DPP6: variants seen among roughly 807,000 people sequenced by gnomAD.
DPP6 encodes dipeptidyl peptidase like 6, also known as A-type potassium channel modulatory protein DPP6.
A neutral mutation model predicts 122.6 loss-of-function variants in DPP6; 69 were observed. That is an observed-to-expected ratio of 0.56 (90% CI 0.46 to 0.69). DPP6 has a LOEUF of 0.69. DPP6 is among the 30% of genes least tolerant of loss of function. The pLI, the probability that DPP6 is intolerant of heterozygous loss-of-function variation, is 0.00. For missense variants in DPP6, 928 were observed against 1,116.9 expected, an observed-to-expected ratio of 0.83 and a Z score of 2.41; for synonymous variants, 418 against 433.1, an observed-to-expected ratio of 0.97 and a Z score of 0.43.
At chr7:154,829,203 C>A (rs1401995398) in intron 16 of DPP6, among the ~76,000 whole-genome samples, 1 of 128,008 alleles carries the variant, frequency 7.8e-6, no homozygotes, top group Non-Finnish European at 1.8e-5. Context: ...GGCAACATGG[C>A]AAAACCATGT....
At chr7:153,877,909 T>TAAAC in the DPP6 span, among the ~76,000 whole-genome samples, 1 of 151,704 alleles carries the variant, frequency 6.6e-6, no homozygotes, top group African/African-American at 2.4e-5. Flanking sequence ...GTTTGACAAA[T>TAAAC]AAAGATATTA....
chr7:154,789,486 T>C (rs1477383449), intron 10 of DPP6, among the ~76,000 whole-genome samples: 1 of 152,256 alleles, frequency 6.6e-6, no homozygotes, highest in Admixed American at 6.5e-5. Flanking sequence ...AGACCTTGTC[T>C]GGTTTCACCA....
At chr7:154,196,737 C>CA (rs1798887976) in intron 1 of DPP6, among the ~76,000 whole-genome samples, 1 of 152,128 alleles carries the variant, frequency 6.6e-6, no homozygotes, top group East Asian at 1.9e-4. Flanking sequence ...ATCCCTCAGC[C>CA]CTGCTCAGAA....
intron 1 of DPP6, among the ~76,000 whole-genome samples, chr7:154,082,472 T>C (rs1322354365): frequency 6.6e-6 from 1 of 151,962 alleles, no homozygotes; most frequent in African/African-American, 2.4e-5. Flanking sequence ...ATCCCAGTTA[T>C]TGCAGTGAGG....
At chr7:153,871,756 T>G in the DPP6 span, among the ~76,000 whole-genome samples, 1 of 152,192 alleles carries the variant, frequency 6.6e-6, no homozygotes, top group Non-Finnish European at 1.5e-5. Context: ...CGCTGGGAGC[T>G]ATAGACTGGA....
chr7:153,909,413 ATGCTTT>A (rs1799981841), intron 1 of DPP6, among the ~76,000 whole-genome samples: 1 of 96,038 alleles, frequency 1.0e-5, no homozygotes, highest in Non-Finnish European at 2.8e-5. Flanking sequence ...GAGGACAAAC[ATGCTTT>A]TACATTTATC....
At chr7:153,808,690 C>T in the DPP6 span, among the ~76,000 whole-genome samples, 1 of 151,930 alleles carries the variant, frequency 6.6e-6, no homozygotes, top group Non-Finnish European at 1.5e-5. Context: ...GGTTATTTCA[C>T]TTGGTATAAT....
At chr7:154,673,300 C>T (rs1368334562) in intron 7 of DPP6, among the ~76,000 whole-genome samples, 1 of 152,206 alleles carries the variant, frequency 6.6e-6, no homozygotes. Context: ...GCTTTGGGAA[C>T]ATGTAGCCTC....
chr7:154,052,727 T>TG lies in DPP6; in HGVS notation c.-94_-93insG. The TG allele has an allele frequency of 7.9e-7, 1 of 1,272,624 alleles. No homozygotes were observed. Among genetic ancestry groups the TG allele is most frequent in the South Asian group, 1.4e-5 (1 of 71,624 alleles). 78.8% of individuals were successfully genotyped at this position (1,272,624 alleles called of 1,614,324 possible). A position where few individuals can be genotyped will look rare whatever the true frequency, so the allele number is the denominator to read the frequency against. The stretch of plus-strand genomic sequence containing the variant: ...CTGCTGCCTCCCCACCGCCTTTTTT[T>TG]TTTTTTAATCTGGAGCGGGGTGGGG... On this transcript the variant is annotated 5_prime_UTR_variant, in exon 1 of 26. Coordinates refer to ENST00000377770, the MANE Select transcript of DPP6 (RefSeq NM_130797.4). The surrounding 1 kb of genome is among the most constrained non-coding windows in gnomAD (Gnocchi z 4.8).
chr7:154,735,675 G>A (rs1440968087), intron 8 of DPP6, among the ~76,000 whole-genome samples: 1 of 152,236 alleles, frequency 6.6e-6, no homozygotes, highest in Non-Finnish European at 1.5e-5. Context: ...CCAAGAAGCT[G>A]TTTGGTAGAA....
At position 154,665,202 on chromosome 7, in the gene DPP6, A is replaced by G. The variant is rs181126435; in HGVS notation, c.681-4158A>G. Among the ~76,000 whole-genome samples, 10 of 152,328 alleles carry G rather than the reference A, an allele frequency of 6.6e-5. No homozygotes were observed. The East Asian group carries it at 1.9e-3, about 29-fold the overall frequency. ...AGGTTCTGCATTTTGGGTAAAAAAT[A>G]TCACATAAATGATTATTTGTCCTTC... On this transcript the variant is annotated intron_variant, in intron 6 of 25. Coordinates refer to ENST00000377770, the MANE Select transcript of DPP6 (RefSeq NM_130797.4).
intron 1 of DPP6, among the ~76,000 whole-genome samples, chr7:153,979,027 C>T (rs942801616): frequency 5.9e-5 from 9 of 152,032 alleles, no homozygotes; most frequent in African/African-American, 2.2e-4. Flanking sequence ...GCTATATGGG[C>T]TCTTTTTTCG....
intron 1 of DPP6, chr7:154,094,081 T>C (rs952113092): frequency 6.6e-6 from 1 of 152,126 alleles, no homozygotes; most frequent in Non-Finnish European, 1.5e-5. Flanking sequence ...CTATATAAAA[T>C]ACAGGTATAC....
chr7:153,837,111 T>G, the DPP6 span, among the ~76,000 whole-genome samples: 1 of 152,222 alleles, frequency 6.6e-6, no homozygotes, highest in East Asian at 1.9e-4. Context: ...GAGTTTCTTT[T>G]TAGATCATAA....
chr7:154,784,828 T>A (rs1797244028), intron 10 of DPP6, among the ~76,000 whole-genome samples: 1 of 152,248 alleles, frequency 6.6e-6, no homozygotes, highest in South Asian at 2.1e-4. Context: ...GCCACCTTCA[T>A]GAAGACTTAA....
chr7:154,631,341 T>A (rs1028366839), intron 5 of DPP6, among the ~76,000 whole-genome samples: 6 of 152,216 alleles, frequency 3.9e-5, no homozygotes, highest in African/African-American at 1.4e-4. Flanking sequence ...GTTGCCTTCA[T>A]CACGTGCTGC....
At chr7:153,910,167 G>A in intron 1 of DPP6, among the ~76,000 whole-genome samples, 1 of 151,880 alleles carries the variant, frequency 6.6e-6, no homozygotes, top group African/African-American at 2.4e-5. Context: ...GAACTTCCAA[G>A]AGTGGAAGGA....
In DPP6 at chr7:154,494,277, G is replaced by T. The variant is rs112654367; in HGVS notation, c.457+19240G>T. Among the ~76,000 whole-genome samples the T allele has an allele frequency of 3.8e-4, 57 of 151,952 alleles. No individual in the cohort carries two copies. In the Middle Eastern group the frequency reaches 0.02, roughly 54 times the overall value. ...AGGCTGAGGCAGGAGGATCACTTGA[G>T]CCTGCGAGGGACAGGCTGTGGTGGG... On this transcript the variant is annotated intron_variant, in intron 3 of 25. Coordinates refer to ENST00000377770, the MANE Select transcript of DPP6 (RefSeq NM_130797.4).
intron 3 of DPP6, among the ~76,000 whole-genome samples, chr7:154,522,747 A>G (rs936178341): frequency 2.0e-5 from 3 of 152,090 alleles, no homozygotes; most frequent in African/African-American, 7.2e-5. Context: ...AATCCTACGT[A>G]CTAAACTGCA....
Sources: gnomAD v4.1 joint callset for allele counts (sites outside exome capture counted in the v4.1 genomes callset) on GRCh38, gnomAD v4.1.1 for gene constraint, Gnocchi (gnomAD v3.1) non-coding constraint, MANE v1.5 for transcripts, NCBI Gene and HGNC (gene_info 2026-07-23, HGNC 2026-07-21) for gene names.